FAM234B: variants seen among roughly 807,000 people sequenced by gnomAD.
FAM234B encodes family with sequence similarity 234 member B.
FAM234B carries 33 observed loss-of-function variants against 69.3 expected under a neutral mutation model. The ratio of observed to expected loss-of-function variants is 0.48; its 90% CI spans 0.36 to 0.64. FAM234B has a LOEUF of 0.64. Among genes scored for constraint, FAM234B ranks in the 30% least tolerant of loss-of-function variants. The pLI, the probability that FAM234B is intolerant of heterozygous loss-of-function variation, is 0.00. For missense variants in FAM234B, 697 were observed against 769.7 expected, an observed-to-expected ratio of 0.91 and a Z score of 1.12; for synonymous variants, 306 against 306.9, an observed-to-expected ratio of 1.00 and a Z score of 0.03.
intron 10 of FAM234B, among the ~76,000 whole-genome samples, chr12:13,074,741 G>A (rs1865142699): frequency 6.6e-6 from 1 of 152,118 alleles, no homozygotes; most frequent in South Asian, 2.1e-4. Context: ...TTTCATACCT[G>A]GGATCCTAAG....
chr12:13,065,394 A>G (rs1865026141), intron 5 of FAM234B, among the ~76,000 whole-genome samples: 1 of 152,198 alleles, frequency 6.6e-6, no homozygotes, highest in Non-Finnish European at 1.5e-5. Context: ...AAAATGTGGT[A>G]CTTATATCTA....
rs1415175423 is a variant in FAM234B, at chr12:13,081,282, G to A, written c.*652G>A. 1 of 152,134 alleles carries A rather than the reference G, an allele frequency of 6.6e-6. No homozygotes were observed. Among genetic ancestry groups the A allele is most frequent in the East Asian group, 1.9e-4 (1 of 5,194 alleles). 9.4% of individuals were successfully genotyped at this position (152,134 alleles called of 1,614,324 possible). A position where few individuals can be genotyped will look rare whatever the true frequency, so the allele number is the denominator to read the frequency against. On this transcript the variant is annotated 3_prime_UTR_variant, in exon 13 of 13. Transcript: ENST00000197268. ...TCTTGTTTTATATCCTATTTCCTTA[G>A]ATTTTCCATCCATGTCTATTAAGTG...
At position 13,068,726 on chromosome 12, in the gene FAM234B, C is replaced by T; in HGVS notation, c.1368+15C>T. ...GGATGAAAAAGGTAAAACTTTGGGC[C>T]TCAGATCAATCAAAGCATATGTAAA... On this transcript the variant is annotated intron_variant, in intron 9 of 12. Transcript: ENST00000197268. The T allele has an allele frequency of 1.3e-6, 2 of 1,547,882 alleles. No individual in the cohort carries two copies. Among genetic ancestry groups the T allele is most frequent in the Non-Finnish European group, 1.8e-6 (2 of 1,120,354 alleles).
intron 2 of FAM234B, 44 bp downstream of exon 2, chr12:13,055,990 C>G: frequency 6.7e-7 from 1 of 1,484,710 alleles, no homozygotes; most frequent in Non-Finnish European, 8.9e-7. Flanking sequence ...AAACTTCATG[C>G]TATGTCTGAT....
At chr12:13,058,838 C>A (rs1307749039) in intron 3 of FAM234B, among the ~76,000 whole-genome samples, 2 of 152,346 alleles carry the variant, frequency 1.3e-5, no homozygotes, top group East Asian at 3.9e-4. Flanking sequence ...TTGCAACGAA[C>A]AGTGTTAGTC....
chr12:13,058,441 T>G lies in FAM234B; in HGVS notation c.434-10T>G. The G allele has an allele frequency of 1.2e-6, 2 of 1,612,744 alleles. No individual in the cohort carries two copies. The highest frequency in any genetic ancestry group is 1.7e-6 in the Non-Finnish European group (2 of 1,178,770). On this transcript the variant is annotated splice_polypyrimidine_tract_variant and intron_variant, in intron 2 of 12. Transcript: ENST00000197268. ...CTCAGGACCTTTTTGGTTTTTTATG[T>G]GTATAACAGGTGGGGACCTGTCTCC... is the stretch of plus-strand genomic sequence containing the variant.
At chr12:13,059,028 T>A (rs1362541586) in intron 3 of FAM234B, among the ~76,000 whole-genome samples, 2 of 152,248 alleles carry the variant, frequency 1.3e-5, no homozygotes, top group Admixed American at 6.5e-5. Flanking sequence ...CTTGTAGACC[T>A]GCTGTCCATC....
intron 11 of FAM234B, among the ~76,000 whole-genome samples, 169 bp from the exon 12 acceptor site, chr12:13,079,620 T>TC (rs1865201880): frequency 6.6e-6 from 1 of 152,218 alleles, no homozygotes; most frequent in Non-Finnish European, 1.5e-5. Context: ...GTCCAGTCCT[T>TC]CCCCTCTTTG....
At chr12:13,054,087 G>A (rs367865744) in intron 1 of FAM234B, among the ~76,000 whole-genome samples, 15 of 152,252 alleles carry the variant, frequency 9.9e-5, no homozygotes, top group Non-Finnish European at 1.3e-4. Context: ...AAGGTGCACT[G>A]ATTTCATATT....
At position 13,055,727 on chromosome 12, in the gene FAM234B, C is replaced by T; in HGVS notation, c.214C>T (p.Pro72Ser). Residue 72 changes from proline to serine, a missense_variant, in exon 2 of 13, where the codon CCA (proline) becomes TCA (serine). Pro to Ser is a moderately conservative substitution (Grantham distance 74). Coordinates refer to ENST00000197268, the MANE Select transcript of FAM234B (RefSeq NM_020853.2). ...TGCTGAGGTTGCAGAGGCTGCAAAG[C>T]CACATCTTTCAGAAGTCACCACGGA... ...SDAEVAEAAKPHLSEVTTEGY... is the reference protein window; with the variant it reads ...SDAEVAEAAKSHLSEVTTEGY... 1 of 1,614,224 alleles carries T rather than the reference C, an allele frequency of 6.2e-7. No individual in the cohort carries two copies. Among genetic ancestry groups the T allele is most frequent in the East Asian group, 2.2e-5 (1 of 44,892 alleles).
chr12:13,076,936 CCTTT>C (rs1233779814), intron 11 of FAM234B, among the ~76,000 whole-genome samples: 1 of 152,202 alleles, frequency 6.6e-6, no homozygotes, highest in Non-Finnish European at 1.5e-5. Flanking sequence ...GACCACATCT[CCTTT>C]CTTTCTTTCC....
At chr12:13,049,709 G>C (rs905940529) in intron 1 of FAM234B, among the ~76,000 whole-genome samples, 1 of 152,206 alleles carries the variant, frequency 6.6e-6, no homozygotes, top group Non-Finnish European at 1.5e-5. Flanking sequence ...TTTCAGAGAA[G>C]ACGATTTTCC....
chr12:13,069,084 G>T (rs1865072969), intron 9 of FAM234B, among the ~76,000 whole-genome samples: 1 of 152,160 alleles, frequency 6.6e-6, no homozygotes. Context: ...GGGTTTTATG[G>T]AAGACCTTAT....
Position 13,058,556 on chromosome 12 carries a change from G to A in FAM234B, c.532+7G>A. 1 of 1,602,218 alleles carries A rather than the reference G, an allele frequency of 6.2e-7. No homozygotes were observed. The highest frequency in any genetic ancestry group is 8.5e-7 in the Non-Finnish European group (1 of 1,177,782). ...AGGAACGGGAGTGCAGTAGGTAAGA[G>A]ACGTGTTTTTTTCAAGGCTGCTACA... On this transcript the variant is annotated splice_region_variant and intron_variant, in intron 3 of 12. Coordinates refer to ENST00000197268, the MANE Select transcript of FAM234B (RefSeq NM_020853.2).
chr12:13,077,605 C>T (rs1371194238), intron 11 of FAM234B, among the ~76,000 whole-genome samples: 2 of 151,810 alleles, frequency 1.3e-5, no homozygotes. Flanking sequence ...ATGAACTCAT[C>T]ATTTTTTATG....
chr12:13,067,030 T>C lies in FAM234B; in HGVS notation c.1001-125T>C. 1 of 1,140,424 alleles carries C rather than the reference T, an allele frequency of 8.8e-7. No homozygotes were observed. Among genetic ancestry groups the C allele is most frequent in the Non-Finnish European group, 1.3e-6 (1 of 786,778 alleles). 70.6% of individuals were successfully genotyped at this position (1,140,424 alleles called of 1,614,324 possible). ...TAATCACCTCCCCACTTGTTCCGTG[T>C]TGTCCAGTCTGGGCGGGCTCTGTTA... On this transcript the variant is annotated intron_variant, in intron 6 of 12. Coordinates refer to ENST00000197268, the MANE Select transcript of FAM234B (RefSeq NM_020853.2). This position sits in a 1 kb window ranked among gnomAD's most constrained non-coding sequence, Gnocchi z 4.7.
intron 10 of FAM234B, among the ~76,000 whole-genome samples, chr12:13,072,744 A>G (rs1208126925): frequency 6.6e-6 from 1 of 152,068 alleles, no homozygotes; most frequent in Non-Finnish European, 1.5e-5. Flanking sequence ...AAAAAAAAAA[A>G]AAAGAACTTT....
chr12:13,080,615 T>C lies in FAM234B; in HGVS notation c.1864-10T>C, dbSNP rs1448069661. The C allele has an allele frequency of 6.2e-7, 1 of 1,605,270 alleles. No homozygotes were observed. On this transcript the variant is annotated splice_polypyrimidine_tract_variant and intron_variant, in intron 12 of 12. Coordinates refer to ENST00000197268, the MANE Select transcript of FAM234B (RefSeq NM_020853.2). Reference sequence around the variant, plus strand: ...AAAACAATAAAGTCACGATAACTCTTTTTCCATAGATCTAATCTGATGGAA... The same window carrying C: ...AAAACAATAAAGTCACGATAACTCTCTTTCCATAGATCTAATCTGATGGAA...
Position 13,066,646 on chromosome 12 carries a change from C to G in FAM234B, c.859C>G (p.Leu287Val). ...VLAIGELQPDLCFLLVSGRTG... is the reference protein window; with the variant it reads ...VLAIGELQPDVCFLLVSGRTG... ...CCCTCTCTTACTTCCTCAGCCAGAT[C>G]TGTGCTTTCTGCTGGTGTCTGGCCG... The change falls in exon 6 of 13, where the codon CTG becomes GTG. Residue 287 changes from leucine to valine, a missense_variant. By Grantham distance (32) the Leu-to-Val change is conservative. Transcript: ENST00000197268. 1 of 1,612,420 alleles carries G rather than the reference C, an allele frequency of 6.2e-7. No homozygotes were observed.
Sources: allele counts gnomAD v4.1 joint callset (sites outside exome capture counted in the v4.1 genomes callset), GRCh38; gene constraint gnomAD v4.1.1; non-coding constraint Gnocchi (gnomAD v3.1); transcripts MANE v1.5; gene names NCBI Gene and HGNC (gene_info 2026-07-23, HGNC 2026-07-21).